C4orf36: variants seen among roughly 807,000 people sequenced by gnomAD.
The protein encoded by C4orf36 is chromosome 4 open reading frame 36.
In C4orf36, 11 loss-of-function variants were observed where a neutral mutation model predicts 12.2. The ratio of observed to expected loss-of-function variants is 0.90; its 90% CI spans 0.57 to 1.49. C4orf36 has a LOEUF of 1.49. Among genes scored for constraint, C4orf36 ranks in the 40% most tolerant of loss-of-function variants. The pLI, the probability that C4orf36 is intolerant of heterozygous loss-of-function variation, is 0.00. For synonymous variants in C4orf36, 54 were observed against 51.3 expected (o/e 1.05, Z -0.22); for missense variants, 137 against 133.9 (o/e 1.02, Z -0.11).
At chr4:86,897,408 G>A (rs116133235), upstream of C4orf36, among the ~76,000 whole-genome samples, 201 of 152,144 alleles carry the variant, frequency 1.3e-3, no homozygotes, top group African/African-American at 4.7e-3. Context: ...AAAGTGACTT[G>A]TTTATGATTA....
the C4orf36 span, among the ~76,000 whole-genome samples, chr4:86,926,810 A>G: frequency 1.3e-5 from 2 of 152,270 alleles, no homozygotes; most frequent in South Asian, 2.1e-4. Flanking sequence ...CTGCCGTACA[A>G]TCCTCCATAT....
the C4orf36 span, among the ~76,000 whole-genome samples, chr4:86,912,628 G>A: frequency 6.6e-6 from 1 of 152,146 alleles, no homozygotes; most frequent in Non-Finnish European, 1.5e-5. Context: ...TTTCGGTATG[G>A]TTTTGCTATT....
chr4:86,913,732 C>G, the C4orf36 span: 39 of 1,579,558 alleles, frequency 2.5e-5, no homozygotes, highest in African/African-American at 1.6e-4. Context: ...ACCCTGTGGA[C>G]CCAGCCACCA....
the C4orf36 span, chr4:86,913,329 A>T: frequency 6.2e-6 from 5 of 810,236 alleles, no homozygotes; most frequent in Non-Finnish European, 1.0e-5. Context: ...CGATGTCAGT[A>T]GTGCAAAATT....
chr4:86,914,272 G>A, the C4orf36 span: 1 of 1,602,048 alleles, frequency 6.2e-7, no homozygotes, highest in Non-Finnish European at 8.6e-7. Context: ...TAGGCATTGT[G>A]GTCTGCCCCA....
the C4orf36 span, among the ~76,000 whole-genome samples, chr4:86,923,717 C>T: frequency 3.4e-5 from 5 of 149,090 alleles, no homozygotes; most frequent in South Asian, 4.2e-4. Flanking sequence ...GATCTGAGAT[C>T]GCACCATTGC....
chr4:86,891,069 G>A (rs1301214761), intron 2 of C4orf36, among the ~76,000 whole-genome samples: 1 of 152,126 alleles, frequency 6.6e-6, no homozygotes, highest in Non-Finnish European at 1.5e-5. Context: ...CTGACACCAG[G>A]GCATTTTTTT....
chr4:86,908,333 A>G, the C4orf36 span, among the ~76,000 whole-genome samples: 1 of 152,078 alleles, frequency 6.6e-6, no homozygotes, highest in African/African-American at 2.4e-5. Flanking sequence ...TGAACTGCTG[A>G]GTAGATTTGA....
rs1354943015 is a variant in C4orf36, at chr4:86,881,445, A to G, written c.*3-5002T>C. ...GTATCCTATCTTAAAAAGAATACCA[A>G]AAAAATTAGCCACGCATGGTGGGAC... On this transcript the variant is annotated intron_variant, in intron 4 of 4. Transcript: ENST00000295898. 2.0e-5 allele frequency among the ~76,000 whole-genome samples: 3 copies of G among 152,108 alleles called. No individual in the cohort carries two copies. In the East Asian group the frequency reaches 5.8e-4, roughly 29 times the overall value.
intron 4 of C4orf36, among the ~76,000 whole-genome samples, chr4:86,881,743 G>A (rs1747059989): frequency 6.7e-6 from 1 of 149,538 alleles, no homozygotes; most frequent in Non-Finnish European, 1.5e-5. Context: ...GTGTGATCTT[G>A]GCTCACTGCA....
chr4:86,930,007 T>C, the C4orf36 span, among the ~76,000 whole-genome samples: 1 of 152,204 alleles, frequency 6.6e-6, no homozygotes, highest in Non-Finnish European at 1.5e-5. Context: ...GGTGATAGTC[T>C]GGAACTTAGA....
At chr4:86,893,376 G>A (rs1441362179), upstream of C4orf36, among the ~76,000 whole-genome samples, 2 of 152,100 alleles carry the variant, frequency 1.3e-5, no homozygotes, top group Non-Finnish European at 2.9e-5. Flanking sequence ...GAGGTCAAGG[G>A]GTTCGAGACC....
the C4orf36 span, among the ~76,000 whole-genome samples, chr4:86,901,285 G>T: frequency 4.6e-5 from 7 of 151,266 alleles, no homozygotes; most frequent in East Asian, 1.2e-3. Context: ...CCCGGCCAAT[G>T]GTTCTCTTTT....
At chr4:86,894,515 T>C (rs1747548997), upstream of C4orf36, among the ~76,000 whole-genome samples, 1 of 152,166 alleles carries the variant, frequency 6.6e-6, no homozygotes, top group Non-Finnish European at 1.5e-5. Flanking sequence ...CATGGTTCCA[T>C]GGTAAGTTCT....
At position 86,892,416 on chromosome 4, in the gene C4orf36, C is replaced by G. The variant is rs1160682320; in HGVS notation, c.-307G>C. ...CCTCCTTCCCGCTCGCCGCGGGCGCCGAGTCTGGGGCTCCTCGCGTCACAC... is the reference window on the plus strand; with the variant it reads ...CCTCCTTCCCGCTCGCCGCGGGCGCGGAGTCTGGGGCTCCTCGCGTCACAC... On this transcript the variant is annotated 5_prime_UTR_variant, in exon 1 of 5. Transcript: ENST00000295898. 2.0e-6 allele frequency: 2 copies of G among 985,412 alleles called. No individual in the cohort carries two copies. Among genetic ancestry groups the G allele is most frequent in the Non-Finnish European group, 2.4e-6 (2 of 830,040 alleles). The allele number at this position is 985,412 out of a possible 1,614,324, so 61.0% of individuals were successfully genotyped here.
intron 4 of C4orf36, chr4:86,887,515 C>T (rs369284450): frequency 2.6e-4 from 101 of 388,410 alleles, no homozygotes; most frequent in African/African-American, 1.7e-3. Context: ...ATAGCACAAA[C>T]GACTCAACTC....
chr4:86,891,877 C>G (rs1232006414), intron 1 of C4orf36, among the ~76,000 whole-genome samples: 1 of 152,252 alleles, frequency 6.6e-6, no homozygotes, highest in East Asian at 1.9e-4. Context: ...TCCAACACCG[C>G]TGCGCCAAAA....
chr4:86,879,767 A>G (rs565521682), intron 4 of C4orf36, among the ~76,000 whole-genome samples: 1 of 152,302 alleles, frequency 6.6e-6, no homozygotes, highest in South Asian at 2.1e-4. Context: ...AAAGACAAAG[A>G]GAGAATCTTG....
chr4:86,920,462 C>T, the C4orf36 span, among the ~76,000 whole-genome samples: 1 of 152,174 alleles, frequency 6.6e-6, no homozygotes, highest in Non-Finnish European at 1.5e-5. Flanking sequence ...GCAACAACTC[C>T]AATCTTGGTA....
Sources: allele counts gnomAD v4.1 joint callset (sites outside exome capture counted in the v4.1 genomes callset), GRCh38; gene constraint gnomAD v4.1.1; transcripts MANE v1.5; gene names NCBI Gene and HGNC (gene_info 2026-07-23, HGNC 2026-07-21).